CTNND2: variants seen among roughly 807,000 people sequenced by gnomAD.
CTNND2 encodes catenin delta-2.
In CTNND2, 22 loss-of-function variants were observed where a neutral mutation model predicts 144.4. The ratio of observed to expected loss-of-function variants is 0.15; its 90% CI spans 0.11 to 0.22. The LOEUF (loss-of-function observed/expected upper bound fraction) is 0.22. CTNND2 is among the 10% of genes least tolerant of loss of function. The pLI is 1.00. For missense variants in CTNND2, 1,353 were observed against 1,618.8 expected, an observed-to-expected ratio of 0.84 and a Z score of 2.82; for synonymous variants, 751 against 695.6, an observed-to-expected ratio of 1.08 and a Z score of -1.25.
At chr5:11,863,378 A>G (rs1795592936) in intron 1 of CTNND2, among the ~76,000 whole-genome samples, 1 of 152,208 alleles carries the variant, frequency 6.6e-6, no homozygotes, top group Admixed American at 6.5e-5. Flanking sequence ...GGGGCCAGAT[A>G]TATCACACCA....
chr5:11,694,251 C>T (rs1042532040), intron 2 of CTNND2, among the ~76,000 whole-genome samples: 10 of 151,648 alleles, frequency 6.6e-5, no homozygotes, highest in African/African-American at 2.4e-4. Context: ...CTGGCTAACA[C>T]GGTGAAACCC....
intron 1 of CTNND2, among the ~76,000 whole-genome samples, chr5:11,770,618 C>A (rs1247345533): frequency 1.3e-5 from 2 of 152,230 alleles, no homozygotes; most frequent in South Asian, 2.1e-4. Context: ...CTTTCCTGCA[C>A]CCCTTCCCCT....
At chr5:11,459,116 C>A (rs78730448) in intron 3 of CTNND2, among the ~76,000 whole-genome samples, 2 of 151,994 alleles carry the variant, frequency 1.3e-5, no homozygotes, top group East Asian at 1.9e-4. Flanking sequence ...GAAAATTAAA[C>A]GAGACAATAC....
chr5:11,434,369 C>G (rs1003205456), intron 3 of CTNND2, among the ~76,000 whole-genome samples: 1 of 152,182 alleles, frequency 6.6e-6, no homozygotes, highest in Admixed American at 6.5e-5. Context: ...CAGAAACCAA[C>G]TTCCTGGGAA....
intron 12 of CTNND2, among the ~76,000 whole-genome samples, chr5:11,157,240 C>A (rs1758304594): frequency 6.6e-6 from 1 of 152,184 alleles, no homozygotes; most frequent in African/African-American, 2.4e-5. Flanking sequence ...ATTGATGGTG[C>A]ATCTCAAACT....
At chr5:11,862,229 C>G (rs1033870189) in intron 1 of CTNND2, among the ~76,000 whole-genome samples, 1 of 152,092 alleles carries the variant, frequency 6.6e-6, no homozygotes, top group Admixed American at 6.5e-5. Context: ...AACCAACTTA[C>G]TACTAGAAAT....
At chr5:11,831,362 T>C (rs746648075) in intron 1 of CTNND2, among the ~76,000 whole-genome samples, 5 of 151,542 alleles carry the variant, frequency 3.3e-5, no homozygotes, top group Non-Finnish European at 7.4e-5. Flanking sequence ...AAAACAGACA[T>C]ATAGAATGAG....
At chr5:11,537,856 T>G (rs1189359253) in intron 3 of CTNND2, among the ~76,000 whole-genome samples, 3 of 152,190 alleles carry the variant, frequency 2.0e-5, no homozygotes. Context: ...CTTTATAAAT[T>G]TTTTTCATTA....
intron 16 of CTNND2, among the ~76,000 whole-genome samples, chr5:11,044,456 T>C (rs974064164): frequency 6.6e-6 from 1 of 151,994 alleles, no homozygotes; most frequent in Non-Finnish European, 1.5e-5. Flanking sequence ...ATATTTTCTA[T>C]GTACATTTCA....
chr5:11,814,070 A>G (rs1048123509), intron 1 of CTNND2, among the ~76,000 whole-genome samples: 1 of 152,114 alleles, frequency 6.6e-6, no homozygotes, highest in Non-Finnish European at 1.5e-5. Flanking sequence ...CCTGACATAT[A>G]TTTTCATCAT....
Position 11,346,417 on chromosome 5 carries a change from G to A in CTNND2, c.1583C>T (p.Thr528Ile). ...KSGPALPPEG[T>I]LARSPSIDSI... ...ATCAATGGACGGGGACCTGGCCAAG[G>A]TGCCTTCAGGCGGGAGAGCAGGGCC... Residue 528 changes from threonine to isoleucine, a missense_variant, in exon 9 of 22, where the codon ACC (threonine) becomes ATC (isoleucine). Around this residue, in one of 4 missense-constraint regions of CTNND2, gnomAD observed 708 missense variants for 706.4 expected, o/e 1.00. Transcript: ENST00000304623. The A allele has an allele frequency of 6.5e-7, 1 of 1,527,780 alleles. No homozygotes were observed. Among genetic ancestry groups the A allele is most frequent in the Non-Finnish European group, 8.8e-7 (1 of 1,133,564 alleles). The allele number at this position is 1,527,780 out of a possible 1,614,324, so 94.6% of individuals were successfully genotyped here. A position where few individuals can be genotyped will look rare whatever the true frequency, so the allele number is the denominator to read the frequency against.
chr5:11,802,056 T>C (rs1791712999), intron 1 of CTNND2, among the ~76,000 whole-genome samples: 1 of 152,048 alleles, frequency 6.6e-6, no homozygotes, highest in Non-Finnish European at 1.5e-5. Context: ...AAGGATCACT[T>C]GAAGTCAGGA....
intron 9 of CTNND2, among the ~76,000 whole-genome samples, chr5:11,297,282 A>G (rs2150026416): frequency 6.6e-6 from 1 of 152,374 alleles, no homozygotes; most frequent in Non-Finnish European, 1.5e-5. Context: ...TTGGTATAGT[A>G]TCAAATAATA....
At chr5:11,241,964 C>G (rs947358014) in intron 9 of CTNND2, among the ~76,000 whole-genome samples, 2 of 150,324 alleles carry the variant, frequency 1.3e-5, no homozygotes, top group Admixed American at 6.6e-5. Flanking sequence ...GGGAGCCATT[C>G]AGCATGTCTG....
chr5:11,305,737 G>A (rs1029800262), intron 9 of CTNND2, among the ~76,000 whole-genome samples: 1 of 152,206 alleles, frequency 6.6e-6, no homozygotes, highest in Non-Finnish European at 1.5e-5. Context: ...AGGATGCCAG[G>A]AAGGCTTTTA....
chr5:11,695,172 GGAA>G (rs998556213), intron 2 of CTNND2, among the ~76,000 whole-genome samples: 1 of 152,184 alleles, frequency 6.6e-6, no homozygotes, highest in African/African-American at 2.4e-5. Flanking sequence ...GAGACAGGCT[GGAA>G]GAAGAGGGAT....
chr5:11,696,880 T>C (rs1365307740), intron 2 of CTNND2, among the ~76,000 whole-genome samples: 1 of 152,210 alleles, frequency 6.6e-6, no homozygotes, highest in Non-Finnish European at 1.5e-5. Context: ...ATGAAATCTT[T>C]TGTGCTCACT....
At chr5:11,667,515 A>G (rs1323639619) in intron 2 of CTNND2, among the ~76,000 whole-genome samples, 1 of 152,252 alleles carries the variant, frequency 6.6e-6, no homozygotes, top group Non-Finnish European at 1.5e-5. Context: ...TCTAATGACC[A>G]GTGATGATGA....
chr5:11,159,525 G>A (rs778575733), intron 12 of CTNND2, 51 bp downstream of exon 12: 3 of 1,457,960 alleles, frequency 2.1e-6, no homozygotes, highest in Non-Finnish European at 2.8e-6. Context: ...AAGAGACAGT[G>A]TCTGGCCAGG....
Sources: allele counts gnomAD v4.1 joint callset (sites outside exome capture counted in the v4.1 genomes callset), GRCh38; gene constraint gnomAD v4.1.1; regional missense constraint gnomAD v4.1.1; transcripts MANE v1.5; gene names NCBI Gene and HGNC (gene_info 2026-07-23, HGNC 2026-07-21).